Variants in TMEM163 observed in about 807,000 individuals in gnomAD.
The protein encoded by TMEM163 is transmembrane protein 163.
A neutral mutation model predicts 29.3 loss-of-function variants in TMEM163; 17 were observed. The ratio of observed to expected loss-of-function variants is 0.58; its 90% CI spans 0.40 to 0.87. The LOEUF (loss-of-function observed/expected upper bound fraction) is 0.87. Ranked by LOEUF, TMEM163 falls within the 40% of genes least tolerant of loss-of-function variation. The pLI is 0.00. For missense variants in TMEM163, 303 were observed against 381.5 expected (o/e 0.79, Z 1.71); for synonymous variants, 157 against 160.6 (o/e 0.98, Z 0.17).
At chr2:134,601,112 A>G (rs1245918691) in intron 2 of TMEM163, among the ~76,000 whole-genome samples, 1 of 152,122 alleles carries the variant, frequency 6.6e-6, no homozygotes, top group Admixed American at 6.5e-5. Flanking sequence ...AACTATTAAA[A>G]ATTATATTTT....
chr2:134,638,294 G>A (rs1479837766), intron 2 of TMEM163, among the ~76,000 whole-genome samples: 2 of 152,142 alleles, frequency 1.3e-5, no homozygotes, highest in South Asian at 2.1e-4. Context: ...TACAAAACAT[G>A]ACAGCAAACA....
At chr2:134,482,518 A>T (rs951456689) in intron 5 of TMEM163, among the ~76,000 whole-genome samples, 3 of 152,202 alleles carry the variant, frequency 2.0e-5, no homozygotes, top group Admixed American at 6.5e-5. Flanking sequence ...CCATCCTGAC[A>T]CTACATGTGT....
chr2:134,674,924 AC>A (rs1684082420), intron 2 of TMEM163, among the ~76,000 whole-genome samples: 2 of 152,124 alleles, frequency 1.3e-5, no homozygotes, highest in African/African-American at 4.8e-5. Context: ...CAATTATGTC[AC>A]CCTCTTCATG....
chr2:134,622,875 G>A (rs1294612376), intron 2 of TMEM163, among the ~76,000 whole-genome samples: 2 of 152,018 alleles, frequency 1.3e-5, no homozygotes, highest in African/African-American at 4.8e-5. Context: ...CAATTCTCCT[G>A]CCTCAGCCTC....
chr2:134,550,715 T>C, intron 3 of TMEM163, 54 bp from the exon 4 acceptor site: 1 of 1,534,766 alleles, frequency 6.5e-7, no homozygotes. Flanking sequence ...AGCACACAAA[T>C]GTGAAGACAC....
At chr2:134,549,828 G>A (rs551546757) in intron 4 of TMEM163, among the ~76,000 whole-genome samples, 24 of 151,280 alleles carry the variant, frequency 1.6e-4, no homozygotes, top group African/African-American at 5.2e-4. Context: ...ACATATTAGC[G>A]TATAGGTATA....
intron 2 of TMEM163, among the ~76,000 whole-genome samples, chr2:134,696,751 G>A (rs1428793251): frequency 6.6e-6 from 1 of 151,994 alleles, no homozygotes; most frequent in African/African-American, 2.4e-5. Flanking sequence ...CAGCTTTGTT[G>A]GAATTTCTTA....
chr2:134,668,416 A>C (rs1255319744), intron 2 of TMEM163, among the ~76,000 whole-genome samples: 3 of 152,042 alleles, frequency 2.0e-5, no homozygotes, highest in Non-Finnish European at 4.4e-5. Flanking sequence ...CATTCTTCCA[A>C]ACACTCAGAC....
intron 4 of TMEM163, among the ~76,000 whole-genome samples, chr2:134,548,758 C>A (rs549518978): frequency 2.0e-5 from 3 of 152,088 alleles, no homozygotes; most frequent in Admixed American, 1.3e-4. Flanking sequence ...ACATGAAATT[C>A]GTTTATGTTT....
intron 2 of TMEM163, among the ~76,000 whole-genome samples, chr2:134,630,893 A>G (rs554285161): frequency 6.6e-5 from 10 of 152,304 alleles, no homozygotes; most frequent in Non-Finnish European, 1.3e-4. Context: ...TCTGTGGCTC[A>G]GCAGATTAAA....
chr2:134,542,694 G>A (rs970226103), intron 4 of TMEM163, among the ~76,000 whole-genome samples: 16 of 152,058 alleles, frequency 1.1e-4, no homozygotes, highest in African/African-American at 2.4e-4. Context: ...GAAATCAGTC[G>A]CTGGTGCCAA....
At chr2:134,707,855 G>A (rs1479182999) in intron 2 of TMEM163, among the ~76,000 whole-genome samples, 1 of 151,656 alleles carries the variant, frequency 6.6e-6, no homozygotes, top group African/African-American at 2.4e-5. Context: ...AGAAGTTTGG[G>A]GTGTCTGAAA....
intron 2 of TMEM163, among the ~76,000 whole-genome samples, chr2:134,569,588 A>T (rs1681376069): frequency 6.6e-6 from 1 of 152,132 alleles, no homozygotes; most frequent in Non-Finnish European, 1.5e-5. Context: ...CCTGGCCCAG[A>T]TCGAACCTCT....
chr2:134,591,625 G>A (rs1681936374), intron 2 of TMEM163, among the ~76,000 whole-genome samples: 1 of 152,052 alleles, frequency 6.6e-6, no homozygotes, highest in African/African-American at 2.4e-5. Flanking sequence ...GTTCCTCCCA[G>A]TTCCCACTCA....
chr2:134,602,003 C>A (rs1218214688), intron 2 of TMEM163, among the ~76,000 whole-genome samples: 1 of 152,062 alleles, frequency 6.6e-6, no homozygotes, highest in Non-Finnish European at 1.5e-5. Context: ...TAGGAATGCT[C>A]CTCCCTGACC....
chr2:134,509,009 G>A (rs1679888018), intron 4 of TMEM163, among the ~76,000 whole-genome samples: 1 of 152,140 alleles, frequency 6.6e-6, no homozygotes, highest in African/African-American at 2.4e-5. Context: ...TACACAAGCT[G>A]AACAGAACCC....
chr2:134,612,261 T>C (rs994321062), intron 2 of TMEM163, among the ~76,000 whole-genome samples: 1 of 152,216 alleles, frequency 6.6e-6, no homozygotes, highest in East Asian at 1.9e-4. Flanking sequence ...TCAGCAGTAG[T>C]TGTTTGACAT....
intron 2 of TMEM163, among the ~76,000 whole-genome samples, chr2:134,707,190 A>T (rs1684833761): frequency 6.6e-6 from 1 of 152,212 alleles, no homozygotes; most frequent in Non-Finnish European, 1.5e-5. Context: ...ATTCCTGCAG[A>T]TTCTCCACAA....
chr2:134,497,657 C>A (rs1004423528), intron 5 of TMEM163, among the ~76,000 whole-genome samples: 35 of 152,232 alleles, frequency 2.3e-4, no homozygotes, highest in Admixed American at 1.3e-4. Flanking sequence ...ACATCATTTA[C>A]TTCTCACAGT....
Sources: gnomAD v4.1 joint callset for allele counts (sites outside exome capture counted in the v4.1 genomes callset) on GRCh38, gnomAD v4.1.1 for gene constraint, MANE v1.5 for transcripts, NCBI Gene and HGNC (gene_info 2026-07-23, HGNC 2026-07-21) for gene names.